Variants in PHLPP2 observed in about 807,000 individuals in gnomAD.
The protein encoded by PHLPP2 is PH domain and leucine rich repeat protein phosphatase 2, also known as PH domain leucine-rich repeat-containing protein phosphatase 2.
PHLPP2 carries 66 observed loss-of-function variants against 124.9 expected under a neutral mutation model. The ratio of observed to expected loss-of-function variants is 0.53; its 90% confidence interval spans 0.43 to 0.65. PHLPP2 has a LOEUF of 0.65. Ranked by LOEUF, PHLPP2 falls within the 30% of genes least tolerant of loss-of-function variation. PHLPP2 has a pLI of 0.00. For synonymous variants in PHLPP2, 681 were observed against 624.7 expected, an observed-to-expected ratio of 1.09 and a Z score of -1.34; for missense variants, 1,685 against 1,600.4, an observed-to-expected ratio of 1.05 and a Z score of -0.90.
chr16:71,686,644 T>C (rs1216211224), intron 4 of PHLPP2, among the ~76,000 whole-genome samples: 1 of 152,194 alleles, frequency 6.6e-6, no homozygotes, highest in African/African-American at 2.4e-5. Context: ...ATCACTACAA[T>C]TTTTTGCCTT....
chr16:71,723,838 G>A, intron 1 of PHLPP2: 2 of 1,235,350 alleles, frequency 1.6e-6, no homozygotes, highest in Non-Finnish European at 1.0e-6. Flanking sequence ...GCTCCAGCGG[G>A]CCCGCGGGCC....
rs762108002 is a variant in PHLPP2, at chr16:71,684,615, G to C, written c.610-14C>G. ...CACTTCTTCTATCTGAAGAAGAGGA[G>C]GGGAGAAAACCAGAACCACTAAAAA... On this transcript the variant is annotated splice_polypyrimidine_tract_variant and intron_variant, in intron 4 of 18. Transcript: ENST00000568954. 3.1e-6 allele frequency: 5 copies of C among 1,597,524 alleles called. No homozygotes were observed. Among genetic ancestry groups the C allele is most frequent in the Admixed American group, 1.7e-5 (1 of 57,788 alleles).
rs138616490 is a variant in PHLPP2, at chr16:71,687,860, T to C, written c.609+2659A>G. 4.6e-3 allele frequency among the ~76,000 whole-genome samples: 701 copies of C among 152,326 alleles called. 8 individuals are homozygous for C. Among genetic ancestry groups the C allele is most frequent in the African/African-American group, 0.016 (662 of 41,570 alleles). On this transcript the variant is annotated intron_variant, in intron 4 of 18. Coordinates refer to ENST00000568954, the MANE Select transcript of PHLPP2 (RefSeq NM_015020.3). ...TCTCTTCTCTAGAACTCCTATTAGA[T>C]GTATACCAGAGCCTTTCTGAAGGAT...
In PHLPP2 at chr16:71,658,767, G is replaced by A. The variant is rs749860838; in HGVS notation, c.2034C>T (p.Asn678=). 2 of 1,614,114 alleles carry A rather than the reference G, an allele frequency of 1.2e-6. No homozygotes were observed. Among genetic ancestry groups the A allele is most frequent in the Non-Finnish European group, 1.7e-6 (2 of 1,179,998 alleles). ...EQLEELNLSG[N]KLKTIPTTIA... Reference sequence around the variant, plus strand: ...TGGTTGTGGGAATGGTTTTAAGCTTGTTGCCACTTAGGTTCAGTTCCTCCA... The same window carrying A: ...TGGTTGTGGGAATGGTTTTAAGCTTATTGCCACTTAGGTTCAGTTCCTCCA... Residue 678 remains asparagine (N), a synonymous_variant, in exon 14 of 19, where the codon AAC becomes AAT. Transcript: ENST00000568954.
At chr16:71,678,012 A>T (rs1021221553) in intron 8 of PHLPP2, 1 of 152,204 alleles carries the variant, frequency 6.6e-6, no homozygotes, top group African/African-American at 2.4e-5. Flanking sequence ...TGACAAAGAT[A>T]TGAGAAAATG....
intron 3 of PHLPP2, among the ~76,000 whole-genome samples, chr16:71,697,217 A>AAT (rs1555547741): frequency 6.6e-6 from 1 of 150,634 alleles, no homozygotes; most frequent in African/African-American, 2.4e-5. Flanking sequence ...TAAATAAATA[A>AAT]AAAGAAACTC....
intron 9 of PHLPP2, among the ~76,000 whole-genome samples, chr16:71,676,145 T>G (rs1055086134): frequency 3.9e-5 from 6 of 152,152 alleles, no homozygotes; most frequent in Admixed American, 3.9e-4. Flanking sequence ...TTTGCCAACC[T>G]GTTTTAGACT....
At chr16:71,694,608 C>A (rs2045150142) in intron 3 of PHLPP2, among the ~76,000 whole-genome samples, 1 of 151,862 alleles carries the variant, frequency 6.6e-6, no homozygotes, top group Non-Finnish European at 1.5e-5. Flanking sequence ...GATATATATT[C>A]AGAATACATG....
intron 13 of PHLPP2, among the ~76,000 whole-genome samples, chr16:71,662,849 C>A (rs375492165): frequency 2.1e-5 from 3 of 145,626 alleles, no homozygotes; most frequent in African/African-American, 5.1e-5. Flanking sequence ...GTAATGAGAT[C>A]CCATCTCTTA....
rs1390474148 is a variant in PHLPP2, at chr16:71,646,799, T to A, written c.*2091A>T. ...ACTCTGTGTGAGCCACTATGTTCCC[T>A]ACTTCAAATCAAAGACCTGAGTTCT... On this transcript the variant is annotated 3_prime_UTR_variant, in exon 19 of 19. Transcript: ENST00000568954. 1.3e-5 allele frequency: 2 copies of A among 152,206 alleles called. No individual in the cohort carries two copies. Among genetic ancestry groups the A allele is most frequent in the African/African-American group, 4.8e-5 (2 of 41,454 alleles). The allele number at this position is 152,206 out of a possible 1,614,324, so 9.4% of individuals were successfully genotyped here.
At chr16:71,664,871 T>C (rs113628149) in intron 12 of PHLPP2, among the ~76,000 whole-genome samples, 4 of 152,364 alleles carry the variant, frequency 2.6e-5, no homozygotes, top group Admixed American at 6.5e-5. Context: ...CATGCTATTA[T>C]AGACACTGTA....
rs1161269402 is a variant in PHLPP2, at chr16:71,697,886, C to T, written c.418+4712G>A. Reference sequence around the variant, plus strand: ...TTTTTGAGATGGAGTCTTGCTCTGTCGCCCAGGCTGGAGTGCAGTGGCACC... The same window carrying T: ...TTTTTGAGATGGAGTCTTGCTCTGTTGCCCAGGCTGGAGTGCAGTGGCACC... On this transcript the variant is annotated intron_variant, in intron 3 of 18. Transcript: ENST00000568954. Among the ~76,000 whole-genome samples the T allele has an allele frequency of 3.0e-5, 4 of 134,348 alleles. No homozygotes were observed. In the East Asian group the frequency reaches 9.2e-4, roughly 31 times the overall value. The allele number at this position is 134,348 out of a possible 152,430, so 88.1% of individuals were successfully genotyped here.
intron 17 of PHLPP2, 76 bp from the exon 18 acceptor site, chr16:71,653,097 TTC>T: frequency 9.5e-5 from 62 of 650,374 alleles, no homozygotes; most frequent in Middle Eastern, 3.8e-4. Context: ...CGTACATCCC[TTC>T]TTTTTTTTTT....
intron 3 of PHLPP2, among the ~76,000 whole-genome samples, chr16:71,701,448 T>C (rs1322443701): frequency 6.6e-6 from 1 of 152,162 alleles, no homozygotes; most frequent in East Asian, 1.9e-4. Context: ...CATACTAGCT[T>C]TTCTATGTCA....
chr16:71,713,891 C>T (rs1050499773), intron 2 of PHLPP2, among the ~76,000 whole-genome samples: 2 of 147,384 alleles, frequency 1.4e-5, no homozygotes, highest in African/African-American at 5.0e-5. Flanking sequence ...ACTCTATACC[C>T]TTTTTAAAAA....
intron 15 of PHLPP2, among the ~76,000 whole-genome samples, chr16:71,657,803 A>G (rs1045205275): frequency 4.6e-5 from 7 of 152,214 alleles, no homozygotes; most frequent in Non-Finnish European, 1.0e-4. Flanking sequence ...GGGGAGAGAA[A>G]GGAAAGGGGT....
rs371852267 is a variant in PHLPP2, at chr16:71,650,006, C to T, written c.2856G>A (p.Met952Ile). Residue 952 changes from methionine (M) to isoleucine (I), a missense_variant, in exon 19 of 19, where the codon ATG becomes ATA. Physicochemically the swap from Met to Ile is conservative, Grantham distance 10. Transcript: ENST00000568954. ...AAGGGTAGAGGTATGTACAGCCCAG[C>T]ATCCGGGTACAGCAGGTTACCCCAT... Reference protein sequence around the residue: ...KVNGVTCCTRMLGCTYLYPWI... With the variant: ...KVNGVTCCTRILGCTYLYPWI... The T allele has an allele frequency of 1.9e-6, 3 of 1,611,518 alleles. No individual in the cohort carries two copies. The highest frequency in any genetic ancestry group is 2.7e-5 in the African/African-American group (2 of 74,928).
intron 2 of PHLPP2, among the ~76,000 whole-genome samples, chr16:71,706,946 A>ATTTTTT (rs66510124): frequency 1.4e-5 from 1 of 71,230 alleles, no homozygotes; most frequent in Non-Finnish European, 2.5e-5. Context: ...AAGATACACC[A>ATTTTTT]TTTTTTTTTT....
Position 71,681,738 on chromosome 16 carries a change from A to G in PHLPP2, c.890+13T>C. ...TTTTAACAGGTTAGTCTGGAAACCC[A>G]TTCTCCACATACTTGTAGAGTGTAT... is the stretch of plus-strand genomic sequence containing the variant. On this transcript the variant is annotated intron_variant, in intron 6 of 18. Transcript: ENST00000568954. 1.3e-6 allele frequency: 2 copies of G among 1,595,050 alleles called. No homozygotes were observed. Among genetic ancestry groups the G allele is most frequent in the East Asian group, 2.3e-5 (1 of 43,848 alleles).
Sources: gnomAD v4.1 joint callset for allele counts (sites outside exome capture counted in the v4.1 genomes callset) on GRCh38, gnomAD v4.1.1 for gene constraint, MANE v1.5 for transcripts, NCBI Gene and HGNC (gene_info 2026-07-23, HGNC 2026-07-21) for gene names.